SLC45A2: variants seen among roughly 807,000 people sequenced by gnomAD.
SLC45A2 encodes the protein membrane-associated transporter protein.
In SLC45A2, 36 loss-of-function variants were observed where a neutral mutation model predicts 45.5. The observed-to-expected ratio is 0.79, with a 90% CI of 0.61 to 1.04. The LOEUF (loss-of-function observed/expected upper bound fraction) is 1.04. Ranked by LOEUF, SLC45A2 falls within the 50% of genes least tolerant of loss-of-function variation. SLC45A2 has a pLI of 0.00. For synonymous variants in SLC45A2, 306 were observed against 269.3 expected (o/e 1.14, Z -1.33); for missense variants, 719 against 671.0 (o/e 1.07, Z -0.79).
chr5:33,966,273 A>C (rs1752597646), intron 2 of SLC45A2, among the ~76,000 whole-genome samples: 1 of 152,212 alleles, frequency 6.6e-6, no homozygotes, highest in South Asian at 2.1e-4. Context: ...CTACTGGTTT[A>C]CTTTAGTTCA....
intron 2 of SLC45A2, among the ~76,000 whole-genome samples, chr5:33,979,678 T>G (rs1040590054): frequency 3.9e-5 from 6 of 152,228 alleles, no homozygotes; most frequent in Non-Finnish European, 8.8e-5. Flanking sequence ...CAGTCTGTTT[T>G]GTCAGTTTTA....
intron 5 of SLC45A2, 112 bp downstream of exon 5, chr5:33,951,438 GATTT>G: frequency 6.3e-7 from 1 of 1,599,728 alleles, no homozygotes; most frequent in Non-Finnish European, 8.5e-7. Flanking sequence ...GACGTCCATA[GATTT>G]ATTAAGAATC....
chr5:33,969,065 C>CTCTCTCTCTGTGTGTGTGTGTG, intron 2 of SLC45A2, among the ~76,000 whole-genome samples: 3 of 102,392 alleles, frequency 2.9e-5, no homozygotes, highest in Admixed American at 1.0e-4. Context: ...CTCTCTCTCT[C>CTCTCTCTCTGTGTGTGTGTGTG]TGTGTGTGTG....
At chr5:33,945,985 A>G (rs1354261878) in intron 6 of SLC45A2, 1 of 985,338 alleles carries the variant, frequency 1.0e-6, no homozygotes, top group Non-Finnish European at 1.2e-6. Context: ...CACAGTGTGC[A>G]CTTTTGTGTA....
chr5:33,961,652 G>T (rs1752460189), intron 3 of SLC45A2, among the ~76,000 whole-genome samples: 1 of 152,056 alleles, frequency 6.6e-6, no homozygotes, highest in Non-Finnish European at 1.5e-5. Context: ...TTGCTATTTT[G>T]CCATTTGTGG....
intron 4 of SLC45A2, among the ~76,000 whole-genome samples, chr5:33,953,822 G>A (rs543469205): frequency 4.2e-4 from 43 of 102,698 alleles, no homozygotes; most frequent in African/African-American, 1.4e-3. Context: ...CCCATCTCAC[G>A]TGCAGAGACA....
At position 33,984,519 on chromosome 5, in the gene SLC45A2, A is replaced by G; in HGVS notation, c.65T>C (p.Phe22Ser). 6.2e-7 allele frequency: 1 copy of G among 1,613,054 alleles called. No individual in the cohort carries two copies. The highest frequency in any genetic ancestry group is 1.1e-5 in the South Asian group (1 of 91,070). ...IYKSLADDGP[F>S]DSVEPPKRPT... is the part of the protein sequence containing the mutation. ...TCTTTTAGGCGGCTCCACAGAGTCA[A>G]AGGGGCCATCATCAGCTAGGGATTT... The change falls in exon 1 of 7, where the codon TTT becomes TCT. Residue 22 changes from phenylalanine (F) to serine (S), a missense_variant. Transcript: ENST00000296589.
chr5:33,953,152 A>C (rs189047198), intron 4 of SLC45A2, among the ~76,000 whole-genome samples: 24 of 149,756 alleles, frequency 1.6e-4, no homozygotes, highest in African/African-American at 5.9e-4. Context: ...CGCAGTAAAC[A>C]TACGTGTGCA....
At chr5:33,958,852 A>G (rs1420787686) in intron 3 of SLC45A2, among the ~76,000 whole-genome samples, 1 of 152,174 alleles carries the variant, frequency 6.6e-6, no homozygotes, top group Non-Finnish European at 1.5e-5. Context: ...TCCTCACAGC[A>G]GCCTCTGAGT....
chr5:33,972,005 G>A, intron 2 of SLC45A2: 2 of 461,360 alleles, frequency 4.3e-6, no homozygotes, highest in South Asian at 1.5e-5. Context: ...GCCTCCCACA[G>A]TGTTGGGATT....
intron 2 of SLC45A2, among the ~76,000 whole-genome samples, chr5:33,980,714 G>A (rs1753051168): frequency 6.6e-6 from 1 of 152,146 alleles, no homozygotes. Context: ...AAGAGAAGGA[G>A]AGAGAGAGAC....
chr5:33,964,411 A>C (rs894710624), intron 2 of SLC45A2, among the ~76,000 whole-genome samples: 11 of 152,236 alleles, frequency 7.2e-5, no homozygotes, highest in African/African-American at 2.7e-4. Context: ...TTTTGAACTT[A>C]AATTTCTGAC....
At chr5:33,984,693 T>TG, upstream of SLC45A2, 1 of 1,458,040 alleles carries the variant, frequency 6.9e-7, no homozygotes, top group Non-Finnish European at 9.4e-7. Context: ...CCAACAGAGA[T>TG]GGTCAGGCTG....
At chr5:33,946,977 G>C in intron 6 of SLC45A2, 186 bp downstream of exon 6, 1 of 1,534,124 alleles carries the variant, frequency 6.5e-7, no homozygotes, top group Non-Finnish European at 8.7e-7. Flanking sequence ...GGACAGGACA[G>C]CTGGGCTGGG....
At chr5:33,952,129 A>G (rs1017759399) in intron 4 of SLC45A2, among the ~76,000 whole-genome samples, 1 of 151,904 alleles carries the variant, frequency 6.6e-6, no homozygotes, top group South Asian at 2.1e-4. Flanking sequence ...ATTTATTATC[A>G]TATTTTATTT....
chr5:33,947,122 G>A (rs559370705), intron 6 of SLC45A2, 41 bp downstream of exon 6: 6 of 1,614,168 alleles, frequency 3.7e-6, no homozygotes, highest in African/African-American at 2.7e-5. Flanking sequence ...CTTCAGATGA[G>A]TCTGGATGTT....
chr5:33,976,393 A>G (rs935541378), intron 2 of SLC45A2, among the ~76,000 whole-genome samples: 1 of 152,262 alleles, frequency 6.6e-6, no homozygotes, highest in Non-Finnish European at 1.5e-5. Context: ...AATGAGTATG[A>G]TTAGAAATGT....
At chr5:33,982,657 A>T (rs1753113213) in intron 1 of SLC45A2, among the ~76,000 whole-genome samples, 1 of 152,196 alleles carries the variant, frequency 6.6e-6, no homozygotes, top group Non-Finnish European at 1.5e-5. Flanking sequence ...CATAGGGGAA[A>T]AGTGGACGTG....
chr5:33,960,187 A>C (rs1318277972), intron 3 of SLC45A2, among the ~76,000 whole-genome samples: 2 of 152,110 alleles, frequency 1.3e-5, no homozygotes, highest in Non-Finnish European at 2.9e-5. Flanking sequence ...GTGGTTGTAC[A>C]AGTTTATATC....
Sources: allele counts gnomAD v4.1 joint callset (sites outside exome capture counted in the v4.1 genomes callset), GRCh38; gene constraint gnomAD v4.1.1; transcripts MANE v1.5; gene names NCBI Gene and HGNC (gene_info 2026-07-23, HGNC 2026-07-21).